DRAM1: variants seen among roughly 807,000 people sequenced by gnomAD.
DRAM1 encodes DNA damage regulated autophagy modulator 1.
DRAM1 carries 25 observed loss-of-function variants against 28.5 expected under a neutral mutation model. The observed-to-expected ratio is 0.88, with a 90% CI of 0.64 to 1.23. DRAM1 has a LOEUF of 1.23. Among genes scored for constraint, DRAM1 ranks in the 50% most tolerant of loss-of-function variants. The pLI is 0.00. For synonymous variants in DRAM1, 113 were observed against 114.2 expected, an observed-to-expected ratio of 0.99 and a Z score of 0.07; for missense variants, 249 against 299.2, an observed-to-expected ratio of 0.83 and a Z score of 1.24.
rs775413645 is a variant in DRAM1, at chr12:101,920,135, G to A, written c.606G>A (p.Ala202=). ...EKDYVYHVVS[A]ICEWTVAFGF... ...ATTATGTATATCACGTAGTGAGTGC[G>A]ATCTGTGAATGGACAGTGGCCTTTG... The change falls in exon 6 of 7, where the codon GCG becomes GCA. Residue 202 remains alanine, a synonymous_variant. Coordinates refer to ENST00000258534, the MANE Select transcript of DRAM1 (RefSeq NM_018370.3). 4.2e-5 allele frequency: 68 copies of A among 1,609,636 alleles called. No individual in the cohort carries two copies. Among genetic ancestry groups the A allele is most frequent in the Middle Eastern group, 1.6e-4 (1 of 6,078 alleles).
At chr12:101,895,173 C>T (rs11111077) in intron 1 of DRAM1, among the ~76,000 whole-genome samples, 2 of 116,742 alleles carry the variant, frequency 1.7e-5, no homozygotes, top group African/African-American at 3.4e-5. Flanking sequence ...ATGCTAAATT[C>T]GAAACCCTTC....
intron 4 of DRAM1, among the ~76,000 whole-genome samples, chr12:101,910,180 T>G (rs949523839): frequency 6.6e-6 from 1 of 152,240 alleles, no homozygotes; most frequent in African/African-American, 2.4e-5. Context: ...CCGAGAAATT[T>G]ACCAACAAAA....
chr12:101,909,835 A>C (rs573057814), intron 4 of DRAM1, among the ~76,000 whole-genome samples: 4 of 152,306 alleles, frequency 2.6e-5, no homozygotes. Context: ...GGTCTTAAAG[A>C]GTTGCAGAGT....
intron 6 of DRAM1, among the ~76,000 whole-genome samples, chr12:101,920,950 G>A (rs893644391): frequency 1.3e-5 from 2 of 152,140 alleles, no homozygotes; most frequent in African/African-American, 4.8e-5. Flanking sequence ...AAATAAAAGT[G>A]TGTTGTTCAA....
intron 3 of DRAM1, among the ~76,000 whole-genome samples, chr12:101,903,085 A>G (rs1371491864): frequency 6.6e-6 from 1 of 151,868 alleles, no homozygotes; most frequent in African/African-American, 2.4e-5. Flanking sequence ...TGTCCAGCTA[A>G]TTTTTGTATT....
intron 1 of DRAM1, among the ~76,000 whole-genome samples, chr12:101,892,544 A>C (rs1284928473): frequency 6.6e-6 from 1 of 151,872 alleles, no homozygotes. Context: ...GGTGTGAGCT[A>C]ATGTGCGCCC....
At chr12:101,916,380 T>C (rs975467086) in intron 5 of DRAM1, among the ~76,000 whole-genome samples, 3 of 152,194 alleles carry the variant, frequency 2.0e-5, no homozygotes, top group Non-Finnish European at 4.4e-5. Flanking sequence ...GGCATGCGCC[T>C]GTAGTCCCAG....
chr12:101,923,478 A>G lies in DRAM1; in HGVS notation c.*2218A>G, dbSNP rs540102246. On this transcript the variant is annotated 3_prime_UTR_variant, in exon 7 of 7. Transcript: ENST00000258534. ...GCCTCCTGGTACACTGTAGGAGCTT[A>G]AGAAATACTCACTGAATGCATGAAT... The G allele has an allele frequency of 1.3e-5, 2 of 152,350 alleles. No homozygotes were observed. Among genetic ancestry groups the G allele is most frequent in the East Asian group, 3.9e-4 (2 of 5,184 alleles). The allele number at this position is 152,350 out of a possible 1,614,324, so 9.4% of individuals were successfully genotyped here.
intron 4 of DRAM1, among the ~76,000 whole-genome samples, chr12:101,912,730 CATT>C: frequency 7.5e-6 from 1 of 132,872 alleles, no homozygotes; most frequent in East Asian, 2.1e-4. Flanking sequence ...CTTGGCTCAA[CATT>C]TTTTTTTTTT....
Position 101,908,246 on chromosome 12 carries a change from G to C in DRAM1, c.403G>C (p.Val135Leu). The part of the protein sequence containing the change: ...GALLAFVCGV[V>L]YTLLQSIISY... Reference sequence around the variant, plus strand: ...TCTTTTGGCCTTTGTCTGTGGTGTCGTGTACACGCTCCTACAGTCCATCAT... The same window carrying C: ...TCTTTTGGCCTTTGTCTGTGGTGTCCTGTACACGCTCCTACAGTCCATCAT... The change falls in exon 4 of 7, where the codon GTG becomes CTG. Residue 135 changes from valine to leucine, a missense_variant. Transcript: ENST00000258534. 1 of 1,614,008 alleles carries C rather than the reference G, an allele frequency of 6.2e-7. No individual in the cohort carries two copies. The highest frequency in any genetic ancestry group is 8.5e-7 in the Non-Finnish European group (1 of 1,179,970).
rs184882420 is a variant in DRAM1 at position 101,910,547 on chromosome 12, C to T, written c.520+2184C>T. On this transcript the variant is annotated intron_variant, in intron 4 of 6. Transcript: ENST00000258534. ...GGCTGGAGTGCAATGGTGCGATCTC[C>T]GCTCACTGCAACCTCCGCCTCCCGG... 2.0e-3 allele frequency among the ~76,000 whole-genome samples: 297 copies of T among 151,162 alleles called. 1 individual carries two copies. The highest frequency in any genetic ancestry group is 7.0e-3 in the African/African-American group (286 of 41,090).
intron 1 of DRAM1, 126 bp downstream of exon 1, chr12:101,878,046 C>G: frequency 7.8e-7 from 1 of 1,280,880 alleles, no homozygotes; most frequent in South Asian, 1.9e-5. Context: ...GAGGTGGGAG[C>G]AGGAGGAGAG....
intron 1 of DRAM1, among the ~76,000 whole-genome samples, chr12:101,892,843 T>G (rs1435509831): frequency 6.6e-6 from 1 of 152,222 alleles, no homozygotes; most frequent in African/African-American, 2.4e-5. Context: ...AGATTGTATC[T>G]AACAAATATT....
intron 1 of DRAM1, among the ~76,000 whole-genome samples, chr12:101,882,107 ATTTTTTTTTT>A (rs78402038): frequency 1.9e-4 from 24 of 129,592 alleles, no homozygotes; most frequent in Admixed American, 3.4e-4. Context: ...TGATGGTCTA[ATTTTTTTTTT>A]TTTTTTTTTT....
At chr12:101,908,086 G>C in intron 3 of DRAM1, 100 bp from the exon 4 acceptor site, 1 of 1,001,682 alleles carries the variant, frequency 1.0e-6, no homozygotes, top group South Asian at 1.7e-5. Context: ...TGGTGCATCT[G>C]TGATGACCAA....
intron 1 of DRAM1, chr12:101,889,964 ATGCC>A: frequency 5.3e-6 from 2 of 380,782 alleles, no homozygotes; most frequent in Non-Finnish European, 1.0e-5. Flanking sequence ...AAAAAAAAAG[ATGCC>A]AGTAATGAGT....
At position 101,882,107 on chromosome 12, in the gene DRAM1, A is replaced by ATTTTT. The variant is rs78402038; in HGVS notation, c.131+4212_131+4216dup. Among the ~76,000 whole-genome samples the ATTTTT allele has an allele frequency of 5.2e-4, 67 of 129,566 alleles. 3 individuals carry two copies. Among genetic ancestry groups the ATTTTT allele is most frequent in the African/African-American group, 1.6e-3 (59 of 36,702 alleles). The allele number at this position is 129,566 out of a possible 152,430, so 85.0% of individuals were successfully genotyped here. On this transcript the variant is annotated intron_variant, in intron 1 of 6. Coordinates refer to ENST00000258534, the MANE Select transcript of DRAM1 (RefSeq NM_018370.3). ...ATTGTTCAGTCATTCTGATGGTCTA[A>ATTTTT]TTTTTTTTTTTTTTTTTTTTTTTTT...
In DRAM1 at chr12:101,908,035, GCTTTT is replaced by G. The variant is rs1242118055; in HGVS notation, c.343-145_343-141del. 1.5e-5 allele frequency: 10 copies of G among 658,616 alleles called. No homozygotes were observed. In the African/African-American group the frequency reaches 1.6e-4, roughly 11 times the overall value. The allele number at this position is 658,616 out of a possible 1,614,324, so 40.8% of individuals were successfully genotyped here. ...TGGCATTAATTTCAGCACCTGGAGGGCTTTTCTTTTGGTAGTCAAACAGCCACATT... is the reference window on the plus strand; with the variant it reads ...TGGCATTAATTTCAGCACCTGGAGGGCTTTTGGTAGTCAAACAGCCACATT... On this transcript the variant is annotated intron_variant, in intron 3 of 6. Transcript: ENST00000258534.
chr12:101,893,861 C>T (rs1873237468), intron 1 of DRAM1, among the ~76,000 whole-genome samples: 1 of 149,828 alleles, frequency 6.7e-6, no homozygotes, highest in African/African-American at 2.5e-5. Flanking sequence ...TATTTATTTA[C>T]TTATTTATTT....
Sources: allele counts gnomAD v4.1 joint callset (sites outside exome capture counted in the v4.1 genomes callset), GRCh38; gene constraint gnomAD v4.1.1; transcripts MANE v1.5; gene names NCBI Gene and HGNC (gene_info 2026-07-23, HGNC 2026-07-21).